MRPL27: variants seen among roughly 807,000 people sequenced by gnomAD.
The protein encoded by MRPL27 is large ribosomal subunit protein bL27m.
In MRPL27, 4 loss-of-function variants were observed where a neutral mutation model predicts 14.6. The observed-to-expected ratio is 0.27, with a 90% CI of 0.14 to 0.63. MRPL27 has a LOEUF of 0.63. MRPL27 is among the 20% of genes least tolerant of loss of function. The pLI, the probability that MRPL27 is intolerant of heterozygous loss-of-function variation, is 0.85. For missense variants in MRPL27, 196 were observed against 192.8 expected (o/e 1.02, Z -0.10); for synonymous variants, 82 against 75.5 (o/e 1.09, Z -0.45).
At chr17:50,369,093 G>A (rs1913049352) in intron 3 of MRPL27, 1 of 521,456 alleles carries the variant, frequency 1.9e-6, no homozygotes. Flanking sequence ...TGTGGTCTTA[G>A]GCAAGTTACT....
chr17:50,368,965 G>A (rs1307755585), intron 3 of MRPL27: 6 of 676,058 alleles, frequency 8.9e-6, no homozygotes, highest in Non-Finnish European at 1.6e-5. Context: ...ACTTCAGGCT[G>A]GGTGTGTGGC....
chr17:50,368,423 C>T, intron 3 of MRPL27, 125 bp from the exon 4 acceptor site: 1 of 934,924 alleles, frequency 1.1e-6, no homozygotes, highest in Non-Finnish European at 1.6e-6. Context: ...AGAGCTCCAT[C>T]TCAGGTTCCC....
At chr17:50,371,086 G>A (rs12451617) in intron 1 of MRPL27, 28,173 of 153,490 alleles carry the variant, frequency 0.18, 3,100 homozygotes, top group Non-Finnish European at 0.24. Context: ...TCCGCGTCCC[G>A]GATTCAAGCG....
chr17:50,372,254 TTGG>T (rs1049640289), intron 1 of MRPL27, among the ~76,000 whole-genome samples: 7 of 144,484 alleles, frequency 4.8e-5, no homozygotes, highest in Middle Eastern at 3.3e-3. Context: ...TCTTTTTTTT[TTGG>T]GGGGGGGGGA....
chr17:50,368,731 A>G (rs4638629), intron 3 of MRPL27: 20,301 of 631,276 alleles, frequency 0.032, 1,274 homozygotes, highest in African/African-American at 0.2. Context: ...GGAAAATATA[A>G]ACCAAAGCTA....
chr17:50,370,558 A>G lies in MRPL27; in HGVS notation c.69T>C (p.Ala23=). The part of the protein sequence containing the change: ...AVTSLLSPTP[A]TALAVRYASK... ...ATGCGTATCTGACAGCAAGAGCTGT[A>G]GCCGGAGTGGGGCTTAGCAAGGATG... The change falls in exon 2 of 4, where the codon GCT becomes GCC. Residue 23 remains alanine (A), a synonymous_variant. Transcript: ENST00000225969. 6.2e-7 allele frequency: 1 copy of G among 1,614,212 alleles called. No individual in the cohort carries two copies. Among genetic ancestry groups the G allele is most frequent in the Non-Finnish European group, 8.5e-7 (1 of 1,180,030 alleles).
At chr17:50,370,701 G>A in intron 1 of MRPL27, 115 bp from the exon 2 acceptor site, 2 of 1,429,642 alleles carry the variant, frequency 1.4e-6, no homozygotes, top group Non-Finnish European at 9.7e-7. Context: ...TGTGTCAGGG[G>A]AGCAGAAGTG....
chr17:50,370,006 A>G, intron 3 of MRPL27, 26 bp downstream of exon 3: 1 of 1,612,276 alleles, frequency 6.2e-7, no homozygotes, highest in Non-Finnish European at 8.5e-7. Context: ...AAAAGGAAAA[A>G]GGGGGGCAGC....
In MRPL27 at chr17:50,368,850, G is replaced by T. The variant is rs774020655; in HGVS notation, c.241-552C>A. 3 of 702,404 alleles carry T rather than the reference G, an allele frequency of 4.3e-6. No individual in the cohort carries two copies. In the East Asian group the frequency reaches 8.1e-5, roughly 19 times the overall value. 43.5% of individuals were successfully genotyped at this position (702,404 alleles called of 1,614,324 possible). ...ATTTAATTCTCACCTAGTGAAAGAG[G>T]TATTATTTCCAACGCCACTTTTCAG... On this transcript the variant is annotated intron_variant, in intron 3 of 3. Transcript: ENST00000225969.
rs768040080 is a variant in MRPL27, at chr17:50,373,139, C to T, written c.32G>A (p.Arg11Gln). Reference protein sequence around the residue: MASVVLALRTRTAVTSLLSPT... With the variant: MASVVLALRTQTAVTSLLSPT... ...CTACTGCGTCCCATTACCGGCTGTCCGGGTCCTCAGCGCCAACACCACCGA... is the reference window on the plus strand; with the variant it reads ...CTACTGCGTCCCATTACCGGCTGTCTGGGTCCTCAGCGCCAACACCACCGA... The change falls in exon 1 of 4, where the codon CGG (arginine) becomes CAG (glutamine). Residue 11 changes from arginine (R) to glutamine (Q), a missense_variant. Coordinates refer to ENST00000225969, the MANE Select transcript of MRPL27 (RefSeq NM_016504.3). The T allele has an allele frequency of 4.5e-5, 73 of 1,614,064 alleles. No individual in the cohort carries two copies. Among genetic ancestry groups the T allele is most frequent in the East Asian group, 6.7e-5 (3 of 44,894 alleles).
chr17:50,368,606 AG>A (rs1237729669), intron 3 of MRPL27: 18 of 592,326 alleles, frequency 3.0e-5, no homozygotes, highest in Non-Finnish European at 4.5e-5. Flanking sequence ...CCCAAAACCC[AG>A]GAAGATGCCC....
At chr17:50,372,834 C>T (rs969462568) in intron 1 of MRPL27, 1 of 464,568 alleles carries the variant, frequency 2.2e-6, no homozygotes, top group Non-Finnish European at 3.9e-6. Flanking sequence ...CCCCAATATG[C>T]CAATGTTACT....
intron 3 of MRPL27, chr17:50,368,849 G>A (rs563856169): frequency 1.4e-6 from 1 of 702,348 alleles, no homozygotes; most frequent in South Asian, 1.5e-5. Flanking sequence ...TAGTGAAAGA[G>A]GTATTATTTC....
chr17:50,372,582 G>A (rs970034355), intron 1 of MRPL27, among the ~76,000 whole-genome samples: 1 of 152,090 alleles, frequency 6.6e-6, no homozygotes. Flanking sequence ...CTCCTCAGAA[G>A]CCTTCCTTCA....
At chr17:50,369,837 C>T (rs765993499) in intron 3 of MRPL27, 195 bp downstream of exon 3, 45 of 683,532 alleles carry the variant, frequency 6.6e-5, no homozygotes, top group Non-Finnish European at 9.6e-5. Flanking sequence ...CCTTCCACCC[C>T]GTCTAGGTCT....
At position 50,370,137 on chromosome 17, in the gene MRPL27, A is replaced by G. The variant is rs369905836; in HGVS notation, c.173-38T>C. On this transcript the variant is annotated intron_variant, in intron 2 of 3. Transcript: ENST00000225969. ...TCCACAGTGACTGGGGCAGCATAGC[A>G]AACTACCAAGAAAACATGATGGCCC... 8.9e-6 allele frequency: 14 copies of G among 1,570,620 alleles called. No individual in the cohort carries two copies. The African/African-American group carries it at 1.7e-4, about 19-fold the overall frequency.
chr17:50,372,838 T>G, intron 1 of MRPL27: 1 of 469,958 alleles, frequency 2.1e-6, no homozygotes, highest in South Asian at 3.2e-5. Flanking sequence ...AATATGCCAA[T>G]GTTACTAATA....
chr17:50,372,262 G>A (rs545161623), intron 1 of MRPL27, among the ~76,000 whole-genome samples: 2 of 151,308 alleles, frequency 1.3e-5, no homozygotes, highest in African/African-American at 2.4e-5. Flanking sequence ...TTTTGGGGGG[G>A]GGGGATAGGG....
intron 3 of MRPL27, chr17:50,368,897 G>T (rs1435471772): frequency 1.4e-6 from 1 of 701,968 alleles, no homozygotes; most frequent in Admixed American, 2.0e-5. Flanking sequence ...GAAGCAGAGA[G>T]ATTAAACTGT....
Sources: gnomAD v4.1 joint callset for allele counts (sites outside exome capture counted in the v4.1 genomes callset) on GRCh38, gnomAD v4.1.1 for gene constraint, MANE v1.5 for transcripts, NCBI Gene and HGNC (gene_info 2026-07-23, HGNC 2026-07-21) for gene names.